Variants in MYO1E observed in about 807,000 individuals in gnomAD.
The protein encoded by MYO1E is unconventional myosin-Ie.
Under a neutral mutation model 151.1 loss-of-function variants are expected in MYO1E, and 68 were observed. The observed-to-expected ratio is 0.45, with a 90% CI of 0.37 to 0.55. MYO1E has a LOEUF of 0.55. Ranked by LOEUF, MYO1E falls within the 20% of genes least tolerant of loss-of-function variation. MYO1E has a pLI of 0.00. For synonymous variants in MYO1E, 601 were observed against 501.7 expected, an observed-to-expected ratio of 1.20 and a Z score of -2.64; for missense variants, 1,363 against 1,389.3, an observed-to-expected ratio of 0.98 and a Z score of 0.30.
chr15:59,288,382 G>A (rs1435649740), intron 1 of MYO1E, among the ~76,000 whole-genome samples: 1 of 152,092 alleles, frequency 6.6e-6, no homozygotes, highest in African/African-American at 2.4e-5. Context: ...TCACTATGTT[G>A]CCCAGGATGG....
At chr15:59,177,976 T>C (rs1175549187) in intron 19 of MYO1E, among the ~76,000 whole-genome samples, 3 of 152,230 alleles carry the variant, frequency 2.0e-5, no homozygotes, top group African/African-American at 7.2e-5. Flanking sequence ...TAACCATGGG[T>C]GGGACACTGA....
intron 1 of MYO1E, among the ~76,000 whole-genome samples, chr15:59,360,639 CT>C (rs1161686644): frequency 3.9e-5 from 6 of 152,054 alleles, no homozygotes; most frequent in Admixed American, 6.6e-5. Flanking sequence ...TGTTTTTGCC[CT>C]TTTTTTCCCC....
intron 1 of MYO1E, among the ~76,000 whole-genome samples, chr15:59,318,940 G>A (rs567471847): frequency 1.3e-5 from 2 of 152,330 alleles, no homozygotes; most frequent in South Asian, 4.1e-4. Context: ...AGACATGACA[G>A]TGGGTTAAGA....
chr15:59,141,019 G>C (rs1482496598), intron 26 of MYO1E, among the ~76,000 whole-genome samples: 4 of 152,216 alleles, frequency 2.6e-5, no homozygotes, highest in Non-Finnish European at 5.9e-5. Context: ...TTCTCTGAAA[G>C]TTGGCCAGGC....
At chr15:59,222,374 G>A (rs1485621228) in intron 9 of MYO1E, among the ~76,000 whole-genome samples, 7 of 152,176 alleles carry the variant, frequency 4.6e-5, no homozygotes, top group African/African-American at 1.4e-4. Flanking sequence ...GTCATGTGCC[G>A]CTGTATTTAT....
In MYO1E at chr15:59,216,666, G is replaced by GTGTGTGTGTGTGTGTGTGTGTGTGTGTT; in HGVS notation, c.1107+1224_1107+1225insAACACACACACACACACACACACACACA. Among the ~76,000 whole-genome samples the GTGTGTGTGTGTGTGTGTGTGTGTGTGTT allele has an allele frequency of 6.5e-5, 2 of 30,892 alleles. 1 individual carries two copies. Among genetic ancestry groups the GTGTGTGTGTGTGTGTGTGTGTGTGTGTT allele is most frequent in the African/African-American group, 2.2e-4 (2 of 9,072 alleles). 20.3% of individuals were successfully genotyped at this position (30,892 alleles called of 152,430 possible). A position where few individuals can be genotyped will look rare whatever the true frequency, so the allele number is the denominator to read the frequency against. On this transcript the variant is annotated intron_variant, in intron 10 of 27. Transcript: ENST00000288235. ...CCAGTGTGTGTGTGTGTGTGTATGT[G>GTGTGTGTGTGTGTGTGTGTGTGTGTGTT]TATATATATATATATATATACACAT...
intron 10 of MYO1E, among the ~76,000 whole-genome samples, chr15:59,217,240 A>T (rs769159917): frequency 3.9e-4 from 60 of 152,386 alleles, no homozygotes; most frequent in Middle Eastern, 3.4e-3. Flanking sequence ...TTTGTAACAT[A>T]GAAATATGTG....
At chr15:59,339,571 C>T (rs916620152) in intron 1 of MYO1E, among the ~76,000 whole-genome samples, 2 of 152,190 alleles carry the variant, frequency 1.3e-5, no homozygotes, top group Non-Finnish European at 2.9e-5. Flanking sequence ...ATGTTAGGCT[C>T]CCATCCCAGA....
At chr15:59,173,965 A>C in intron 20 of MYO1E, 50 bp from the exon 21 acceptor site, 1 of 1,591,070 alleles carries the variant, frequency 6.3e-7, no homozygotes, top group Non-Finnish European at 8.6e-7. Context: ...TCAGTCAGAA[A>C]AGGGAGGAAA....
At chr15:59,264,248 G>A (rs1490779994) in intron 2 of MYO1E, among the ~76,000 whole-genome samples, 4 of 152,200 alleles carry the variant, frequency 2.6e-5, no homozygotes, top group Admixed American at 2.6e-4. Flanking sequence ...TACTCAGCCT[G>A]TACAGGGAAA....
intron 10 of MYO1E, among the ~76,000 whole-genome samples, chr15:59,216,685 TACACATAC>T (rs1376828020): frequency 5.2e-5 from 2 of 38,638 alleles, no homozygotes; most frequent in African/African-American, 1.6e-4. Context: ...TATATATATA[TACACATAC>T]ACACACACAC....
intron 1 of MYO1E, among the ~76,000 whole-genome samples, chr15:59,284,254 G>C (rs1315748879): frequency 6.6e-6 from 1 of 152,184 alleles, no homozygotes; most frequent in Non-Finnish European, 1.5e-5. Context: ...AGCAGCTATC[G>C]TGGGGCAAAT....
intron 4 of MYO1E, among the ~76,000 whole-genome samples, chr15:59,251,204 G>A (rs1365653480): frequency 6.6e-6 from 1 of 152,184 alleles, no homozygotes; most frequent in East Asian, 1.9e-4. Flanking sequence ...TGACCCAGGT[G>A]TTCCTCCTCA....
At chr15:59,241,120 G>C (rs567139935) in intron 4 of MYO1E, among the ~76,000 whole-genome samples, 16 of 152,338 alleles carry the variant, frequency 1.1e-4, no homozygotes, top group African/African-American at 3.4e-4. Flanking sequence ...TTGCGTGTGT[G>C]TATGTGTACT....
intron 1 of MYO1E, among the ~76,000 whole-genome samples, chr15:59,318,343 T>C (rs764192929): frequency 8.5e-5 from 13 of 152,154 alleles, no homozygotes; most frequent in Non-Finnish European, 1.5e-4. Context: ...CTGTATGCAA[T>C]AGAATTGAGC....
chr15:59,365,286 T>C (rs1336500286), intron 1 of MYO1E, among the ~76,000 whole-genome samples: 7 of 152,192 alleles, frequency 4.6e-5, no homozygotes, highest in African/African-American at 1.7e-4. Flanking sequence ...TCCAAAGTGC[T>C]GGGATTACGG....
At chr15:59,146,453 T>A (rs1165979118) in intron 26 of MYO1E, among the ~76,000 whole-genome samples, 3 of 151,988 alleles carry the variant, frequency 2.0e-5, no homozygotes, top group Non-Finnish European at 4.4e-5. Context: ...GTAGCTGGGA[T>A]TATAGGCACC....
intron 15 of MYO1E, among the ~76,000 whole-genome samples, chr15:59,204,682 G>A (rs1427901466): frequency 6.6e-6 from 1 of 152,184 alleles, no homozygotes; most frequent in African/African-American, 2.4e-5. Flanking sequence ...CTGAAACAGG[G>A]TCTTGGGAGT....
Position 59,135,768 on chromosome 15 carries a change from T to C in MYO1E, c.*1612A>G, listed in dbSNP as rs1339999941. ...GAGGATCCTGAAAGCCTCAAAGGTGTATGCTGCTCAAACTCTAAGTTACCA... is the reference window on the plus strand; with the variant it reads ...GAGGATCCTGAAAGCCTCAAAGGTGCATGCTGCTCAAACTCTAAGTTACCA... On this transcript the variant is annotated 3_prime_UTR_variant, in exon 28 of 28. Transcript: ENST00000288235. 2 of 151,998 alleles carry C rather than the reference T, an allele frequency of 1.3e-5. No homozygotes were observed. Among genetic ancestry groups the C allele is most frequent in the African/African-American group, 2.4e-5 (1 of 41,320 alleles). 9.4% of individuals were successfully genotyped at this position (151,998 alleles called of 1,614,324 possible).
Sources: allele counts gnomAD v4.1 joint callset (sites outside exome capture counted in the v4.1 genomes callset), GRCh38; gene constraint gnomAD v4.1.1; transcripts MANE v1.5; gene names NCBI Gene and HGNC (gene_info 2026-07-23, HGNC 2026-07-21).